The following KCNIP4 variants were observed in gnomAD, a reference collection of about 807,000 sequenced individuals.
KCNIP4 encodes the protein potassium voltage-gated channel interacting protein 4.
In KCNIP4, 12 loss-of-function variants were observed where a neutral mutation model predicts 34.0. That is an observed-to-expected ratio of 0.35 (90% CI 0.23 to 0.57). The LOEUF (loss-of-function observed/expected upper bound fraction) is 0.57. Ranked by LOEUF, KCNIP4 falls within the 20% of genes least tolerant of loss-of-function variation. KCNIP4 has a pLI of 0.83. For missense variants in KCNIP4, 238 were observed against 311.7 expected (o/e 0.76, Z 1.78); for synonymous variants, 124 against 102.2 (o/e 1.21, Z -1.29).
intron 1 of KCNIP4, among the ~76,000 whole-genome samples, chr4:21,484,726 C>G (rs1295466111): frequency 6.6e-6 from 1 of 152,104 alleles, no homozygotes; most frequent in Non-Finnish European, 1.5e-5. Flanking sequence ...CTGTCCTGGC[C>G]CAACTTGGCA....
At chr4:20,882,504 T>A in intron 2 of KCNIP4, 104 bp downstream of exon 2, 1 of 781,638 alleles carries the variant, frequency 1.3e-6, no homozygotes, top group African/African-American at 1.7e-5. Context: ...TAGATTGCTT[T>A]TGTAGAATAT....
At chr4:21,139,147 A>G (rs1180186993) in intron 1 of KCNIP4, among the ~76,000 whole-genome samples, 1 of 152,128 alleles carries the variant, frequency 6.6e-6, no homozygotes, top group Non-Finnish European at 1.5e-5. Context: ...CCCACATCAC[A>G]CTAAGACTCT....
intron 1 of KCNIP4, among the ~76,000 whole-genome samples, chr4:21,288,891 C>G (rs994581087): frequency 6.6e-6 from 1 of 152,128 alleles, no homozygotes; most frequent in African/African-American, 2.4e-5. Flanking sequence ...CCATATTGCT[C>G]CAAAGGACAG....
intron 1 of KCNIP4, among the ~76,000 whole-genome samples, chr4:21,789,741 A>G (rs1720154181): frequency 6.6e-6 from 1 of 151,854 alleles, no homozygotes; most frequent in South Asian, 2.1e-4. Context: ...TTTTGTGCCA[A>G]TAAAAGACAA....
chr4:20,921,730 T>G (rs1218008507), intron 1 of KCNIP4, among the ~76,000 whole-genome samples: 1 of 152,254 alleles, frequency 6.6e-6, no homozygotes, highest in African/African-American at 2.4e-5. Flanking sequence ...TTTGTGTGTG[T>G]ATGGTTCTGC....
At chr4:20,798,518 C>T (rs1713782440) in intron 3 of KCNIP4, among the ~76,000 whole-genome samples, 1 of 150,126 alleles carries the variant, frequency 6.7e-6, no homozygotes, top group Non-Finnish European at 1.5e-5. Context: ...CACACAGACA[C>T]ACACATACAC....
chr4:21,486,297 G>A (rs1731909372), intron 1 of KCNIP4, among the ~76,000 whole-genome samples: 1 of 152,120 alleles, frequency 6.6e-6, no homozygotes, highest in South Asian at 2.1e-4. Context: ...GCAGCACAGA[G>A]CCTTAGAAGT....
chr4:20,772,590 AATACATTTT>A (rs1755998944), intron 3 of KCNIP4, among the ~76,000 whole-genome samples: 1 of 151,920 alleles, frequency 6.6e-6, no homozygotes, highest in African/African-American at 2.4e-5. Context: ...TTCAGCTCTA[AATACATTTT>A]ATACATTTTA....
chr4:21,792,027 A>AAAAAC (rs1720324666), intron 1 of KCNIP4, among the ~76,000 whole-genome samples: 4 of 128,940 alleles, frequency 3.1e-5, no homozygotes, highest in African/African-American at 1.1e-4. Context: ...AAAAAAAAAA[A>AAAAAC]AACCTACCTC....
rs1366204923 is a variant in KCNIP4 at position 21,247,759 on chromosome 4, T to TATATATATAC, written c.62-365051_62-365050insGTATATATAT. 2.8e-3 allele frequency among the ~76,000 whole-genome samples: 334 copies of TATATATATAC among 119,992 alleles called. 14 individuals are homozygous for TATATATATAC. The highest frequency in any genetic ancestry group is 0.011 in the African/African-American group (307 of 28,030). The allele number at this position is 119,992 out of a possible 152,430, so 78.7% of individuals were successfully genotyped here. ...GGATATATATATATATATATATATATACACCCCACAGGTGTTTTTTATATA... is the reference window on the plus strand; with the variant it reads ...GGATATATATATATATATATATATATATATATATACACACCCCACAGGTGTTTTTTATATA... On this transcript the variant is annotated intron_variant, in intron 1 of 8. Transcript: ENST00000382152.
At chr4:21,509,751 T>A (rs1238512916) in intron 1 of KCNIP4, among the ~76,000 whole-genome samples, 1 of 152,188 alleles carries the variant, frequency 6.6e-6, no homozygotes, top group African/African-American at 2.4e-5. Flanking sequence ...ACTCACCTGA[T>A]CTTCTGGCCT....
intron 1 of KCNIP4, among the ~76,000 whole-genome samples, chr4:21,286,446 T>G (rs1763127061): frequency 6.6e-6 from 1 of 152,202 alleles, no homozygotes; most frequent in African/African-American, 2.4e-5. Flanking sequence ...TATATGGCTT[T>G]GGGGTAAAGG....
chr4:20,999,414 G>GTTTTTTTTT (rs5856594), intron 1 of KCNIP4, among the ~76,000 whole-genome samples: 11 of 95,348 alleles, frequency 1.2e-4, no homozygotes, highest in African/African-American at 5.1e-4. Flanking sequence ...TTGTGGTGGT[G>GTTTTTTTTT]TTTTTTTTTT....
At chr4:21,354,565 T>C (rs1373553534) in intron 1 of KCNIP4, among the ~76,000 whole-genome samples, 3 of 152,102 alleles carry the variant, frequency 2.0e-5, no homozygotes, top group African/African-American at 7.2e-5. Flanking sequence ...CATTAAATAA[T>C]GGTAAAGAGA....
intron 1 of KCNIP4, among the ~76,000 whole-genome samples, chr4:20,939,408 T>C (rs1005173226): frequency 2.0e-5 from 3 of 152,094 alleles, no homozygotes; most frequent in African/African-American, 4.8e-5. Flanking sequence ...AGATGGAGTC[T>C]CTATCGCCAG....
intron 6 of KCNIP4, 96 bp downstream of exon 6, chr4:20,734,531 CA>C (rs1578424220): frequency 6.6e-6 from 4 of 606,104 alleles, no homozygotes; most frequent in Admixed American, 3.0e-5. Context: ...GGAATTTCCT[CA>C]AAAAAACTTT....
At chr4:20,930,077 G>A (rs1730299594) in intron 1 of KCNIP4, among the ~76,000 whole-genome samples, 2 of 151,880 alleles carry the variant, frequency 1.3e-5, no homozygotes, top group African/African-American at 4.8e-5. Context: ...AAGGAACAAT[G>A]AGAAAGCAAA....
At chr4:21,061,299 T>C (rs1219042061) in intron 1 of KCNIP4, among the ~76,000 whole-genome samples, 1 of 152,146 alleles carries the variant, frequency 6.6e-6, no homozygotes, top group Non-Finnish European at 1.5e-5. Flanking sequence ...TAGGATCACA[T>C]TTATTCAATG....
intron 1 of KCNIP4, among the ~76,000 whole-genome samples, chr4:21,416,803 G>T (rs1724985893): frequency 6.6e-6 from 1 of 152,124 alleles, no homozygotes; most frequent in African/African-American, 2.4e-5. Flanking sequence ...GGGACTATAT[G>T]TCAGTCATAT....
Sources: allele counts gnomAD v4.1 joint callset (sites outside exome capture counted in the v4.1 genomes callset), GRCh38; gene constraint gnomAD v4.1.1; transcripts MANE v1.5; gene names NCBI Gene and HGNC (gene_info 2026-07-23, HGNC 2026-07-21).